Variants in STMN4 observed in about 807,000 individuals in gnomAD.
The protein encoded by STMN4 is stathmin 4, also known as stathmin-4.
A neutral mutation model predicts 29.1 loss-of-function variants in STMN4; 12 were observed. That is an observed-to-expected ratio of 0.41 (90% confidence interval 0.26 to 0.67). The LOEUF (loss-of-function observed/expected upper bound fraction) is 0.67. STMN4 is among the 30% of genes least tolerant of loss of function. The probability of loss-of-function intolerance (pLI) is 0.30; values close to 1 mark genes in which losing one functional copy is unlikely to be tolerated. For missense variants in STMN4, 181 were observed against 262.8 expected (o/e 0.69, Z 2.15); for synonymous variants, 114 against 105.3 (o/e 1.08, Z -0.51).
chr8:27,244,834 T>C (rs987840598), intron 1 of STMN4, among the ~76,000 whole-genome samples: 2 of 152,238 alleles, frequency 1.3e-5, no homozygotes, highest in Admixed American at 1.3e-4. Flanking sequence ...TGGGAGCCCA[T>C]GAAGGCTACT....
intron 1 of STMN4, among the ~76,000 whole-genome samples, chr8:27,251,872 C>T (rs1801798350): frequency 6.6e-6 from 1 of 151,026 alleles, no homozygotes; most frequent in Non-Finnish European, 1.5e-5. Flanking sequence ...AGGTTAGTTA[C>T]ATATGTATAC....
chr8:27,253,363 A>G (rs1801847601), intron 1 of STMN4, among the ~76,000 whole-genome samples: 1 of 152,238 alleles, frequency 6.6e-6, no homozygotes, highest in South Asian at 2.1e-4. Flanking sequence ...TAAGAACATT[A>G]AGAATAAAAG....
At chr8:27,238,283 T>C (rs1041392936) in intron 6 of STMN4, among the ~76,000 whole-genome samples, 1 of 152,166 alleles carries the variant, frequency 6.6e-6, no homozygotes, top group African/African-American at 2.4e-5. Context: ...CAGCAGGCAT[T>C]GTTGAAGGTG....
chr8:27,250,512 C>G (rs1801752399), intron 1 of STMN4, among the ~76,000 whole-genome samples: 1 of 152,120 alleles, frequency 6.6e-6, no homozygotes, highest in African/African-American at 2.4e-5. Context: ...CTCTGCGGGC[C>G]TCAGCATGGT....
chr8:27,256,855 A>G (rs1014026282), intron 1 of STMN4, among the ~76,000 whole-genome samples: 1 of 152,040 alleles, frequency 6.6e-6, no homozygotes, highest in Non-Finnish European at 1.5e-5. Flanking sequence ...GTGGCCATCC[A>G]ACTTCTGCTT....
chr8:27,256,161 A>G (rs4733041), intron 1 of STMN4, among the ~76,000 whole-genome samples: 18,514 of 152,172 alleles, frequency 0.12, 1,875 homozygotes, highest in East Asian at 0.42. Context: ...AGAGGAGTTA[A>G]ATTTATAGAG....
intron 1 of STMN4, among the ~76,000 whole-genome samples, chr8:27,250,466 C>G (rs1278076403): frequency 6.6e-6 from 1 of 152,196 alleles, no homozygotes; most frequent in Non-Finnish European, 1.5e-5. Flanking sequence ...GGATGGGTAT[C>G]TAGAGCCATT....
At chr8:27,245,301 A>G (rs1455603126) in intron 1 of STMN4, among the ~76,000 whole-genome samples, 1 of 152,154 alleles carries the variant, frequency 6.6e-6, no homozygotes, top group Non-Finnish European at 1.5e-5. Flanking sequence ...CAGAGCCATT[A>G]CCTCTGGACC....
intron 6 of STMN4, among the ~76,000 whole-genome samples, chr8:27,237,795 C>G (rs1441237941): frequency 1.3e-5 from 2 of 152,164 alleles, no homozygotes; most frequent in Non-Finnish European, 2.9e-5. Flanking sequence ...GGTCTTTCAC[C>G]CCTCAAGTTG....
At chr8:27,254,000 C>G (rs976926356) in intron 1 of STMN4, among the ~76,000 whole-genome samples, 1 of 152,170 alleles carries the variant, frequency 6.6e-6, no homozygotes, top group African/African-American at 2.4e-5. Context: ...CCAGGCTGGT[C>G]TTGAATTCCC....
At chr8:27,252,399 C>T (rs1024066968) in intron 1 of STMN4, among the ~76,000 whole-genome samples, 1 of 152,112 alleles carries the variant, frequency 6.6e-6, no homozygotes, top group Non-Finnish European at 1.5e-5. Flanking sequence ...GGGCTAATAT[C>T]CAGAATCTAC....
chr8:27,243,462 G>A (rs1237676088), intron 2 of STMN4, among the ~76,000 whole-genome samples: 2 of 152,062 alleles, frequency 1.3e-5, no homozygotes, highest in East Asian at 1.9e-4. Context: ...ATACAGATGA[G>A]CAAAAGGAAG....
intron 3 of STMN4, chr8:27,242,073 A>G: frequency 1.8e-6 from 1 of 562,972 alleles, no homozygotes; most frequent in South Asian, 2.3e-5. Context: ...CTTCTGGTCT[A>G]GATGTTCCCC....
At chr8:27,243,830 C>G (rs1801547781) in intron 1 of STMN4, 29 bp from the exon 2 acceptor site, 1 of 1,593,432 alleles carries the variant, frequency 6.3e-7, no homozygotes, top group Non-Finnish European at 8.6e-7. Context: ...AGGATTTTAC[C>G]ATCGATGGAT....
intron 1 of STMN4, among the ~76,000 whole-genome samples, chr8:27,251,297 T>C (rs925729119): frequency 2.3e-4 from 27 of 118,060 alleles, no homozygotes; most frequent in South Asian, 1.9e-3. Context: ...TATATATATA[T>C]ACATATAATA....
At chr8:27,238,409 T>C (rs1222113342) in intron 6 of STMN4, among the ~76,000 whole-genome samples, 4 of 152,224 alleles carry the variant, frequency 2.6e-5, no homozygotes, top group Non-Finnish European at 5.9e-5. Context: ...AAAGGGATGC[T>C]GCCCCCTCAA....
chr8:27,242,638 C>T, intron 2 of STMN4, 146 bp from the exon 3 acceptor site: 1 of 750,782 alleles, frequency 1.3e-6, no homozygotes, highest in Non-Finnish European at 2.2e-6. Context: ...GGATCCAGGC[C>T]TTTCGCCCTG....
chr8:27,236,047 C>G lies in STMN4; in HGVS notation c.*799G>C, dbSNP rs1310675830. On this transcript the variant is annotated 3_prime_UTR_variant, in exon 7 of 7. Transcript: ENST00000350889. ...TTGAAAGGAAGATTGAGTTTCTTTT[C>G]TCATCAATTTAGTGCATGCTATCCA... 6.6e-6 allele frequency: 1 copy of G among 152,184 alleles called. No homozygotes were observed. The highest frequency in any genetic ancestry group is 1.5e-5 in the Non-Finnish European group (1 of 68,038). The allele number at this position is 152,184 out of a possible 1,614,324, so 9.4% of individuals were successfully genotyped here. A position where few individuals can be genotyped will look rare whatever the true frequency, so the allele number is the denominator to read the frequency against.
chr8:27,239,183 T>A, intron 6 of STMN4: 1 of 1,529,886 alleles, frequency 6.5e-7, no homozygotes, highest in Non-Finnish European at 8.7e-7. Context: ...GGCCTGAGAC[T>A]CTAGGTGGAT....
Sources: allele counts gnomAD v4.1 joint callset (sites outside exome capture counted in the v4.1 genomes callset), GRCh38; gene constraint gnomAD v4.1.1; transcripts MANE v1.5; gene names NCBI Gene and HGNC (gene_info 2026-07-23, HGNC 2026-07-21).